The following TMEM132D variants were observed in gnomAD, a reference collection of about 807,000 sequenced individuals.
TMEM132D encodes transmembrane protein 132D.
TMEM132D carries 21 observed loss-of-function variants against 62.3 expected under a neutral mutation model. The observed-to-expected ratio is 0.34, with a 90% CI of 0.24 to 0.49. The LOEUF is 0.49. TMEM132D is among the 20% of genes least tolerant of loss of function. The pLI is 0.99. For synonymous variants in TMEM132D, 621 were observed against 575.6 expected (o/e 1.08, Z -1.13); for missense variants, 1,346 against 1,402.8 (o/e 0.96, Z 0.65).
chr12:129,871,717 T>A (rs920170278), intron 1 of TMEM132D, among the ~76,000 whole-genome samples: 2 of 152,160 alleles, frequency 1.3e-5, no homozygotes, highest in African/African-American at 4.8e-5. Flanking sequence ...CTCTCGGTAG[T>A]TTGAAATTAG....
intron 5 of TMEM132D, among the ~76,000 whole-genome samples, chr12:129,128,009 T>C (rs1367468367): frequency 6.6e-6 from 1 of 152,170 alleles, no homozygotes; most frequent in Non-Finnish European, 1.5e-5. Context: ...TACCCAGGCA[T>C]GAAGAGTTTC....
At chr12:129,801,150 C>T (rs1011612816) in intron 1 of TMEM132D, among the ~76,000 whole-genome samples, 6 of 152,336 alleles carry the variant, frequency 3.9e-5, no homozygotes, top group Middle Eastern at 3.4e-3. Context: ...GGGCGCCCGC[C>T]ATTGCCCAGG....
intron 1 of TMEM132D, among the ~76,000 whole-genome samples, chr12:129,710,397 GT>G (rs1166232931): frequency 3.9e-5 from 6 of 152,144 alleles, no homozygotes; most frequent in Non-Finnish European, 5.9e-5. Context: ...CCGTGTTCAA[GT>G]GATTCTCCTG....
intron 5 of TMEM132D, among the ~76,000 whole-genome samples, chr12:129,196,128 A>G (rs1462009351): frequency 6.6e-6 from 1 of 152,032 alleles, no homozygotes; most frequent in Non-Finnish European, 1.5e-5. Flanking sequence ...CTCCATCTCA[A>G]AAAAAGAAAA....
At chr12:129,265,142 T>C (rs1190672474) in intron 4 of TMEM132D, among the ~76,000 whole-genome samples, 1 of 152,058 alleles carries the variant, frequency 6.6e-6, no homozygotes, top group African/African-American at 2.4e-5. Flanking sequence ...AGCTGCCAGG[T>C]GGGTCACACA....
At chr12:129,440,469 T>C (rs10847873) in intron 3 of TMEM132D, among the ~76,000 whole-genome samples, 21,429 of 152,148 alleles carry the variant, frequency 0.14, 2,015 homozygotes, top group East Asian at 0.51. Flanking sequence ...GAAATGATCA[T>C]GTGGCGCGTG....
intron 3 of TMEM132D, among the ~76,000 whole-genome samples, chr12:129,490,689 G>A (rs1300134290): frequency 1.4e-5 from 2 of 138,802 alleles, no homozygotes; most frequent in Admixed American, 8.2e-5. Flanking sequence ...TCCTGACCTC[G>A]TGATCTGTCA....
chr12:129,442,521 A>G (rs139930153), intron 3 of TMEM132D, among the ~76,000 whole-genome samples: 1 of 152,250 alleles, frequency 6.6e-6, no homozygotes, highest in Non-Finnish European at 1.5e-5. Flanking sequence ...GGACTCCAAA[A>G]GTGGTTAGTG....
At chr12:129,597,523 G>C (rs1040847383) in intron 2 of TMEM132D, among the ~76,000 whole-genome samples, 3 of 152,042 alleles carry the variant, frequency 2.0e-5, no homozygotes, top group Admixed American at 1.3e-4. Context: ...TAACATTCAC[G>C]GAGTACAAGT....
intron 2 of TMEM132D, among the ~76,000 whole-genome samples, chr12:129,696,810 A>C (rs528924243): frequency 6.6e-6 from 1 of 152,332 alleles, no homozygotes; most frequent in African/African-American, 2.4e-5. Flanking sequence ...CACTTGAAGG[A>C]AAACATTTTC....
chr12:129,406,025 C>T (rs2398459), intron 3 of TMEM132D, among the ~76,000 whole-genome samples: 127,181 of 152,158 alleles, frequency 0.84, 54,769 homozygotes, highest in Non-Finnish European at 0.94. Context: ...CAAAACCTTA[C>T]AAAAATAGAA....
chr12:129,544,420 A>G (rs1243233522), intron 2 of TMEM132D, among the ~76,000 whole-genome samples: 1 of 152,232 alleles, frequency 6.6e-6, no homozygotes. Flanking sequence ...TAAATGATTC[A>G]TCCAGTACCT....
At position 129,903,211 on chromosome 12, in the gene TMEM132D, C is replaced by T; in HGVS notation, c.79+50G>A. On this transcript the variant is annotated intron_variant, in intron 1 of 8. Coordinates refer to ENST00000422113, the MANE Select transcript of TMEM132D (RefSeq NM_133448.3). This position sits in a 1 kb window ranked among gnomAD's most constrained non-coding sequence, Gnocchi z 6.2. ...CATCCTCCACACACTCCCACACACT[C>T]ACTCCAGGCGAAGTTAGTCCCCGGG... 2.6e-6 allele frequency: 4 copies of T among 1,536,978 alleles called. No individual in the cohort carries two copies. Among genetic ancestry groups the T allele is most frequent in the Non-Finnish European group, 3.5e-6 (4 of 1,133,962 alleles).
intron 5 of TMEM132D, among the ~76,000 whole-genome samples, chr12:129,160,641 G>A (rs1008156444): frequency 5.3e-5 from 8 of 152,174 alleles, no homozygotes; most frequent in Non-Finnish European, 1.0e-4. Context: ...TTAGTTACAA[G>A]AGCCAACAAT....
chr12:129,322,753 A>G (rs1421118168), intron 4 of TMEM132D, among the ~76,000 whole-genome samples: 1 of 152,176 alleles, frequency 6.6e-6, no homozygotes, highest in Non-Finnish European at 1.5e-5. Flanking sequence ...AATCTGTTGC[A>G]TACAGTAAGA....
chr12:129,891,309 C>G (rs1874915844), intron 1 of TMEM132D, among the ~76,000 whole-genome samples: 1 of 152,196 alleles, frequency 6.6e-6, no homozygotes, highest in Non-Finnish European at 1.5e-5. Flanking sequence ...TCCCTCACCC[C>G]TCAAGAGCCA....
At chr12:129,734,044 A>G (rs1391249323) in intron 1 of TMEM132D, among the ~76,000 whole-genome samples, 1 of 152,182 alleles carries the variant, frequency 6.6e-6, no homozygotes, top group Non-Finnish European at 1.5e-5. Flanking sequence ...GTATCAGAGA[A>G]GATGTCCTTT....
At chr12:129,398,202 A>T (rs192872338) in intron 3 of TMEM132D, among the ~76,000 whole-genome samples, 2 of 152,268 alleles carry the variant, frequency 1.3e-5, no homozygotes, top group Admixed American at 1.3e-4. Flanking sequence ...TCATAGAGAA[A>T]TTTTTTGTTT....
intron 3 of TMEM132D, among the ~76,000 whole-genome samples, chr12:129,350,520 T>C (rs377044576): frequency 3.3e-5 from 5 of 152,312 alleles, no homozygotes; most frequent in African/African-American, 1.2e-4. Context: ...CCGACTCCTG[T>C]TCAGGAGAAA....
Sources: allele counts gnomAD v4.1 joint callset (sites outside exome capture counted in the v4.1 genomes callset), GRCh38; gene constraint gnomAD v4.1.1; non-coding constraint Gnocchi (gnomAD v3.1); transcripts MANE v1.5; gene names NCBI Gene and HGNC (gene_info 2026-07-23, HGNC 2026-07-21).